The following COL4A6 variants were observed in gnomAD, a reference collection of about 807,000 sequenced individuals.
COL4A6 encodes collagen type IV alpha 6 chain.
COL4A6 carries 59 observed loss-of-function variants against 126.7 expected under a neutral mutation model. The ratio of observed to expected loss-of-function variants is 0.47; its 90% CI spans 0.38 to 0.58. The LOEUF is 0.58. Among genes scored for constraint, COL4A6 ranks in the 20% least tolerant of loss-of-function variants. COL4A6 has a pLI of 0.00. For synonymous variants in COL4A6, 547 were observed against 496.6 expected (o/e 1.10, Z -1.35); for missense variants, 1,285 against 1,337.3 (o/e 0.96, Z 0.61).
chrX:108,209,051 ACTAT>A (rs1037294874), intron 8 of COL4A6, among the ~76,000 whole-genome samples: 1 of 112,113 alleles, frequency 8.9e-6, no homozygotes, highest in Non-Finnish European at 1.9e-5. Context: ...TAATGAATAC[ACTAT>A]CTAAGCCAAT....
chrX:108,166,113 T>TC (rs1479421127), intron 37 of COL4A6, among the ~76,000 whole-genome samples: 1 of 112,079 alleles, frequency 8.9e-6, no homozygotes, highest in South Asian at 3.7e-4. Flanking sequence ...ACTAAATCCC[T>TC]CCCCCCTTTT....
intron 3 of COL4A6, chrX:108,268,972 A>G (rs2037380921): frequency 3.5e-6 from 1 of 282,666 alleles, no homozygotes. Context: ...CTGCCTCCAG[A>G]AATCACTGCA....
At chrX:108,173,032 T>C (rs2034362835) in intron 31 of COL4A6, among the ~76,000 whole-genome samples, 1 of 112,556 alleles carries the variant, frequency 8.9e-6, no homozygotes, top group Admixed American at 9.3e-5. Flanking sequence ...GAGTCTGAAT[T>C]TGGGCAAATG....
chrX:108,169,984 T>C lies in COL4A6; in HGVS notation c.3526A>G (p.Asn1176Asp). ...GTACCCTTGGTGCCCGGAAGCCCAT[T>C]CAGTCCATGTAAACCAGGAAATCCA... ...FPGFPGLHGL[N>D]GLPGTKGTHG... Residue 1176 changes from asparagine (N) to aspartate (D), a missense_variant, in exon 36 of 45, where the codon AAT (asparagine) becomes GAT (aspartate). Coordinates refer to ENST00000334504, the MANE Select transcript of COL4A6 (RefSeq NM_033641.4). 2 of 1,191,048 alleles carry C rather than the reference T, an allele frequency of 1.7e-6. No individual in the cohort carries two copies. The highest frequency in any genetic ancestry group is 2.3e-6 in the Non-Finnish European group (2 of 883,558).
rs751015147 is a variant in COL4A6, at chrX:108,237,773, T to C, written c.145-16399A>G. On this transcript the variant is annotated intron_variant, in intron 3 of 44. Coordinates refer to ENST00000334504, the MANE Select transcript of COL4A6 (RefSeq NM_033641.4). ...CATTCTCATTTCTATCCCTCTCAGG[T>C]ATCTTCTTTAATATATTTGATATGA... 1.5e-3 allele frequency among the ~76,000 whole-genome samples: 164 copies of C among 111,221 alleles called. 1 individual carries two copies. Among genetic ancestry groups the C allele is most frequent in the Non-Finnish European group, 2.5e-3 (132 of 53,015 alleles).
At position 108,254,615 on chromosome X, in the gene COL4A6, C is replaced by G. The variant is rs188918815; in HGVS notation, c.145-33241G>C. On this transcript the variant is annotated intron_variant, in intron 3 of 44. Coordinates refer to ENST00000334504, the MANE Select transcript of COL4A6 (RefSeq NM_033641.4). ...AAATGCAAGTGGGAATAATGAGTTG[C>G]TGCCTAGGGAAGAAAAAGTGAAATC... Among the ~76,000 whole-genome samples the G allele has an allele frequency of 2.7e-5, 3 of 111,191 alleles. No homozygotes were observed. The East Asian group carries it at 8.5e-4, about 32-fold the overall frequency.
chrX:108,291,345 T>C (rs2038157187), intron 3 of COL4A6, among the ~76,000 whole-genome samples: 1 of 112,396 alleles, frequency 8.9e-6, no homozygotes, highest in Admixed American at 9.4e-5. Flanking sequence ...AGAATAATTA[T>C]CATTACAAAA....
intron 3 of COL4A6, among the ~76,000 whole-genome samples, chrX:108,260,721 T>C (rs1208252609): frequency 9.1e-6 from 1 of 110,470 alleles, no homozygotes; most frequent in African/African-American, 3.3e-5. Context: ...CACGTTCTTT[T>C]TTGTATGAAA....
chrX:108,193,848 A>C, intron 16 of COL4A6, 151 bp from the exon 17 acceptor site: 2 of 447,375 alleles, frequency 4.5e-6, no homozygotes, highest in Admixed American at 4.3e-5. Context: ...GGTTAATTTC[A>C]AAGTCCCATA....
chrX:108,415,065 A>T (rs2041409795), intron 2 of COL4A6, among the ~76,000 whole-genome samples: 1 of 111,995 alleles, frequency 8.9e-6, no homozygotes, highest in Non-Finnish European at 1.9e-5. Flanking sequence ...TAATGTAAAC[A>T]TACTTTTAAA....
rs2035917298 is a variant in COL4A6, at chrX:108,218,274, C to A, written c.324+1424G>T. 2.9e-5 allele frequency among the ~76,000 whole-genome samples: 3 copies of A among 104,979 alleles called. No individual in the cohort carries two copies. In the South Asian group the frequency reaches 1.1e-3, roughly 39 times the overall value. The allele number at this position is 104,979 out of a possible 115,157, so 91.2% of individuals were successfully genotyped here. A position where few individuals can be genotyped will look rare whatever the true frequency, so the allele number is the denominator to read the frequency against. Reference sequence around the variant, plus strand: ...GAGGCTGCCTCCAGTTTGCTAGTTTCCCTTACCCAGTGGCTCCCAGAAGAT... The same window carrying A: ...GAGGCTGCCTCCAGTTTGCTAGTTTACCTTACCCAGTGGCTCCCAGAAGAT... On this transcript the variant is annotated intron_variant, in intron 5 of 44. Coordinates refer to ENST00000334504, the MANE Select transcript of COL4A6 (RefSeq NM_033641.4).
At chrX:108,274,279 CTTTATTGTGGT>C (rs1400658370) in intron 3 of COL4A6, among the ~76,000 whole-genome samples, 1 of 111,405 alleles carries the variant, frequency 9.0e-6, no homozygotes, top group Non-Finnish European at 1.9e-5. Context: ...GGCCCAGAGC[CTTTATTGTGGT>C]TTCCATGGGA....
At chrX:108,386,709 C>T (rs1032591710) in intron 2 of COL4A6, among the ~76,000 whole-genome samples, 3 of 111,705 alleles carry the variant, frequency 2.7e-5, no homozygotes, top group African/African-American at 9.8e-5. Context: ...TGCAGAAGCT[C>T]TTTAGTTTAA....
chrX:108,174,788 C>G (rs189934209), intron 30 of COL4A6, among the ~76,000 whole-genome samples, 167 bp from the exon 31 acceptor site: 11 of 111,669 alleles, frequency 9.9e-5, no homozygotes, highest in South Asian at 3.8e-4. Flanking sequence ...GGGGCATCGA[C>G]AGAGTTGCTT....
chrX:108,251,699 A>G, intron 3 of COL4A6, among the ~76,000 whole-genome samples: 1 of 112,137 alleles, frequency 8.9e-6, no homozygotes, highest in East Asian at 2.8e-4. Context: ...GTAATGTTAT[A>G]GAGTAAATAA....
chrX:108,336,112 C>A (rs1360558304), intron 2 of COL4A6, among the ~76,000 whole-genome samples: 6 of 111,748 alleles, frequency 5.4e-5, no homozygotes, highest in African/African-American at 1.9e-4. Flanking sequence ...CCATATGACT[C>A]AGCAATTGCA....
At position 108,422,662 on chromosome X, in the gene COL4A6, G is replaced by A. The variant is rs759939997; in HGVS notation, c.63+15280C>T. Among the ~76,000 whole-genome samples the A allele has an allele frequency of 9.9e-5, 11 of 111,665 alleles. No individual in the cohort carries two copies. In the East Asian group the frequency reaches 2.8e-3, roughly 29 times the overall value. ...TTAGGTCAAAAATCTTCTCCCTGCT[G>A]ACTTATACTCTGAAAACTAAAAGTC... On this transcript the variant is annotated intron_variant, in intron 2 of 44. Transcript: ENST00000334504.
At chrX:108,194,084 A>G (rs1371868760) in intron 16 of COL4A6, among the ~76,000 whole-genome samples, 1 of 112,614 alleles carries the variant, frequency 8.9e-6, no homozygotes, top group Non-Finnish European at 1.9e-5. Flanking sequence ...TTAGTGGATG[A>G]TGTCAGGCAG....
chrX:108,225,492 C>T (rs1425786325), intron 3 of COL4A6, among the ~76,000 whole-genome samples: 1 of 112,343 alleles, frequency 8.9e-6, no homozygotes, highest in Non-Finnish European at 1.9e-5. Context: ...TTTAAATATG[C>T]ACATCAGGGT....
Sources: gnomAD v4.1 joint callset for allele counts (sites outside exome capture counted in the v4.1 genomes callset) on GRCh38, gnomAD v4.1.1 for gene constraint, MANE v1.5 for transcripts, NCBI Gene and HGNC (gene_info 2026-07-23, HGNC 2026-07-21) for gene names.